Variants in CDKAL1 observed in about 807,000 individuals in gnomAD.
CDKAL1 encodes CDKAL1 threonylcarbamoyladenosine tRNA methylthiotransferase.
Under a neutral mutation model 68.2 loss-of-function variants are expected in CDKAL1, and 32 were observed. The ratio of observed to expected loss-of-function variants is 0.47; its 90% CI spans 0.35 to 0.63. The LOEUF (loss-of-function observed/expected upper bound fraction) is 0.63, where lower values mean the gene tolerates loss of function less well. Among genes scored for constraint, CDKAL1 ranks in the 30% least tolerant of loss-of-function variants. CDKAL1 has a pLI of 0.00. For missense variants in CDKAL1, 606 were observed against 696.7 expected (o/e 0.87, Z 1.47); for synonymous variants, 234 against 244.3 (o/e 0.96, Z 0.39).
chr6:20,578,638 T>C (rs1765011166), intron 4 of CDKAL1, among the ~76,000 whole-genome samples: 1 of 152,234 alleles, frequency 6.6e-6, no homozygotes, highest in Admixed American at 6.5e-5. Context: ...TCACATATAT[T>C]GAGTGCCAGT....
In CDKAL1 at chr6:20,855,828, A is replaced by T. The variant is rs191595641; in HGVS notation, c.742+9650A>T. ...TACATCCATGGGAATACTTTTAAAA[A>T]TTTTTTTAGCTGATTCAGAAAGCGA... On this transcript the variant is annotated intron_variant, in intron 9 of 15. Transcript: ENST00000274695. 8.5e-4 allele frequency among the ~76,000 whole-genome samples: 130 copies of T among 152,288 alleles called. 2 individuals carry two copies. In the East Asian group the frequency reaches 0.021, roughly 24 times the overall value.
In CDKAL1 at chr6:20,542,191, T is replaced by C. The variant is rs541021934; in HGVS notation, c.-5-4155T>C. On this transcript the variant is annotated intron_variant, in intron 2 of 15. Coordinates refer to ENST00000274695, the MANE Select transcript of CDKAL1 (RefSeq NM_017774.3). ...GGCTGCCACTCTGTTAATTGAATGA[T>C]GTGAATGGAAGGATGGGAATCCAGC... 7.9e-5 allele frequency among the ~76,000 whole-genome samples: 12 copies of C among 152,308 alleles called. No individual in the cohort carries two copies. In the South Asian group the frequency reaches 2.5e-3, roughly 32 times the overall value.
At chr6:21,093,694 CTTT>C (rs547923386) in intron 12 of CDKAL1, among the ~76,000 whole-genome samples, 1 of 88,086 alleles carries the variant, frequency 1.1e-5, no homozygotes, top group African/African-American at 4.6e-5. Context: ...GCTGCTGCTG[CTTT>C]TTTTTTTTTT....
At chr6:20,715,139 A>G (rs1772030589) in intron 5 of CDKAL1, among the ~76,000 whole-genome samples, 1 of 152,198 alleles carries the variant, frequency 6.6e-6, no homozygotes, top group African/African-American at 2.4e-5. Flanking sequence ...TATGTTATAC[A>G]TTGCATCTTT....
chr6:21,158,953 T>C (rs562938202), intron 13 of CDKAL1, among the ~76,000 whole-genome samples: 25 of 152,202 alleles, frequency 1.6e-4, no homozygotes, highest in Non-Finnish European at 3.5e-4. Context: ...TTATACATGA[T>C]GTAGCTTTCT....
rs942679285 is a variant in CDKAL1, at chr6:21,046,691, C to T, written c.1056-18357C>T. On this transcript the variant is annotated intron_variant, in intron 11 of 15. Transcript: ENST00000274695. ...CAGGGCCTTCACATAAAAGCTACAA[C>T]GTCTAACAAACAGACACATTTCATG... 4.6e-5 allele frequency among the ~76,000 whole-genome samples: 7 copies of T among 152,256 alleles called. No homozygotes were observed. In the South Asian group the frequency reaches 1.0e-3, roughly 22 times the overall value.
intron 8 of CDKAL1, among the ~76,000 whole-genome samples, chr6:20,838,353 C>T (rs563403466): frequency 1.3e-5 from 2 of 152,212 alleles, no homozygotes; most frequent in African/African-American, 4.8e-5. Flanking sequence ...GTCTGGGTCT[C>T]AGCTTGAATG....
intron 10 of CDKAL1, among the ~76,000 whole-genome samples, chr6:20,957,723 C>G (rs1207756867): frequency 6.6e-6 from 1 of 152,090 alleles, no homozygotes; most frequent in Non-Finnish European, 1.5e-5. Context: ...GTAATCCCAG[C>G]CCTTTGGGAG....
At chr6:20,750,637 T>C (rs576512478) in intron 6 of CDKAL1, among the ~76,000 whole-genome samples, 42 of 152,196 alleles carry the variant, frequency 2.8e-4, no homozygotes, top group African/African-American at 9.4e-4. Flanking sequence ...TATCTTGATA[T>C]CCTTGTGCCT....
chr6:20,621,561 C>T (rs1048697470), intron 4 of CDKAL1, among the ~76,000 whole-genome samples: 9 of 152,234 alleles, frequency 5.9e-5, no homozygotes, highest in African/African-American at 2.2e-4. Flanking sequence ...AATTCTTCTA[C>T]ACAGGAGATT....
chr6:20,992,798 A>T (rs533386207), intron 10 of CDKAL1, among the ~76,000 whole-genome samples: 18 of 151,718 alleles, frequency 1.2e-4, no homozygotes, highest in African/African-American at 4.3e-4. Flanking sequence ...TCTACTCGAG[A>T]GGCTGAGGTG....
intron 6 of CDKAL1, among the ~76,000 whole-genome samples, chr6:20,740,126 G>C (rs547805000): frequency 2.0e-5 from 3 of 152,118 alleles, no homozygotes; most frequent in Non-Finnish European, 4.4e-5. Context: ...GTTACCTGTC[G>C]TATAATTCTT....
At chr6:20,712,286 T>G (rs1248325180) in intron 5 of CDKAL1, among the ~76,000 whole-genome samples, 1 of 152,088 alleles carries the variant, frequency 6.6e-6, no homozygotes, top group Admixed American at 6.5e-5. Context: ...AATCCAAAGT[T>G]GCAATGGTCA....
At chr6:20,557,041 C>CAAAAAAAAAAAAAAAAAAAAAAA (rs199509135) in intron 4 of CDKAL1, among the ~76,000 whole-genome samples, 1 of 121,108 alleles carries the variant, frequency 8.3e-6, no homozygotes, top group African/African-American at 2.8e-5. Flanking sequence ...GTCTCCATCT[C>CAAAAAAAAAAAAAAAAAAAAAAA]AAAAAAAAAA....
chr6:21,050,254 A>G (rs1457445741), intron 11 of CDKAL1, among the ~76,000 whole-genome samples: 3 of 152,214 alleles, frequency 2.0e-5, no homozygotes, highest in Non-Finnish European at 2.9e-5. Flanking sequence ...GATTTTGCCT[A>G]ATATTGATTG....
intron 13 of CDKAL1, among the ~76,000 whole-genome samples, chr6:21,149,858 T>TATTA (rs1776328768): frequency 6.6e-6 from 1 of 152,050 alleles, no homozygotes. Context: ...CCCGAACATT[T>TATTA]ATTTATTTAT....
intron 5 of CDKAL1, among the ~76,000 whole-genome samples, chr6:20,725,771 T>C (rs1772617756): frequency 8.2e-6 from 1 of 121,796 alleles, no homozygotes; most frequent in African/African-American, 3.3e-5. Context: ...GCAACAAGAG[T>C]GAAACTCCGT....
At chr6:20,878,599 G>A (rs1760654397) in intron 9 of CDKAL1, among the ~76,000 whole-genome samples, 2 of 151,492 alleles carry the variant, frequency 1.3e-5, no homozygotes, top group Admixed American at 1.3e-4. Context: ...AAATTAGCCG[G>A]GTGTGGTGAT....
intron 4 of CDKAL1, among the ~76,000 whole-genome samples, chr6:20,639,816 A>G (rs982147764): frequency 1.1e-4 from 16 of 152,128 alleles, no homozygotes; most frequent in African/African-American, 3.6e-4. Context: ...GATTACAGGC[A>G]TGTGCCACCA....
Sources: gnomAD v4.1 joint callset for allele counts (sites outside exome capture counted in the v4.1 genomes callset) on GRCh38, gnomAD v4.1.1 for gene constraint, MANE v1.5 for transcripts, NCBI Gene and HGNC (gene_info 2026-07-23, HGNC 2026-07-21) for gene names.